SPATA3: variants seen among roughly 807,000 people sequenced by gnomAD.
SPATA3 encodes spermatogenesis associated 3.
Under a neutral mutation model 5.7 loss-of-function variants are expected in SPATA3, and 6 were observed. The ratio of observed to expected loss-of-function variants is 1.06; its 90% CI spans 0.58 to 2.09. The LOEUF (loss-of-function observed/expected upper bound fraction) is 2.09, where lower values mean the gene tolerates loss of function less well. Ranked by LOEUF, SPATA3 falls within the 30% of genes most tolerant of loss-of-function variation. The pLI is 0.00. For synonymous variants in SPATA3, 44 were observed against 48.4 expected (o/e 0.91, Z 0.37); for missense variants, 155 against 130.4 (o/e 1.19, Z -0.92).
rs113102248 is a variant in SPATA3 at position 231,002,768 on chromosome 2, G to A, written c.1047G>A (p.Arg349=). The A allele has an allele frequency of 5.4e-3, 8,160 of 1,522,972 alleles. 83 individuals carry two copies. Among genetic ancestry groups the A allele is most frequent in the South Asian group, 0.025 (1,984 of 79,540 alleles). The allele number at this position is 1,522,972 out of a possible 1,614,324, so 94.3% of individuals were successfully genotyped here. A position where few individuals can be genotyped will look rare whatever the true frequency, so the allele number is the denominator to read the frequency against. The change falls in exon 3 of 3, where the codon AGG becomes AGA. Residue 349 remains arginine (R), a synonymous_variant. Coordinates refer to ENST00000645363, the Ensembl canonical transcript of SPATA3. Reference sequence around the variant, plus strand: ...GTGGCTGTGGCTCTGGGGGCTCTAGGAGCTGCCTACTACATCACTGAATCC... The same window carrying A: ...GTGGCTGTGGCTCTGGGGGCTCTAGAAGCTGCCTACTACATCACTGAATCC...
chr2:231,019,212 G>A lies in SPATA3; in HGVS notation c.*566-508G>A, dbSNP rs189357474. On this transcript the variant is annotated intron_variant, in intron 6 of 8. Coordinates refer to the SPATA3 transcript ENST00000452881. ...TCTCGATCTCCCGACCTTGTGATCC[G>A]CCCACCTTGGCCTCCCAAAGTGCCG... Among the ~76,000 whole-genome samples, 551 of 149,002 alleles carry A rather than the reference G, an allele frequency of 3.7e-3. 17 individuals carry two copies. Among genetic ancestry groups the A allele is most frequent in the African/African-American group, 0.012 (476 of 39,886 alleles).
At chr2:231,001,037 C>G (rs1192361956) in intron 2 of SPATA3, among the ~76,000 whole-genome samples, 2 of 152,220 alleles carry the variant, frequency 1.3e-5, no homozygotes, top group African/African-American at 4.8e-5. Context: ...CACACAATAG[C>G]AAGACGTCAG....
At chr2:231,008,948 G>C (rs202191345), downstream of SPATA3, among the ~76,000 whole-genome samples, 48,656 of 151,572 alleles carry the variant, frequency 0.32, 7,966 homozygotes, top group Non-Finnish European at 0.36. Context: ...GGGTGAGCCG[G>C]CCTGTCTCCC....
exon 3 of SPATA3, chr2:231,002,782 A>T: frequency 6.7e-7 from 1 of 1,503,712 alleles, no homozygotes; most frequent in Non-Finnish European, 8.9e-7. Context: ...TGCCTACTAC[A>T]TCACTGAATC....
chr2:230,999,779 A>G (rs903884288), intron 1 of SPATA3: 5 of 169,232 alleles, frequency 3.0e-5, no homozygotes, highest in African/African-American at 1.2e-4. Flanking sequence ...GGCAGCTCCA[A>G]TTCCAGGAAT....
At chr2:231,016,246 T>A (rs1692932631) in intron 6 of SPATA3, among the ~76,000 whole-genome samples, 1 of 152,152 alleles carries the variant, frequency 6.6e-6, no homozygotes, top group Non-Finnish European at 1.5e-5. Context: ...ACCCTGGGCC[T>A]GCCTGTTCCC....
chr2:231,013,690 G>A (rs371743581), intron 5 of SPATA3, among the ~76,000 whole-genome samples: 1 of 152,150 alleles, frequency 6.6e-6, no homozygotes, highest in East Asian at 1.9e-4. Flanking sequence ...GGGCTTCACC[G>A]TGTTGGTCAG....
At chr2:231,012,940 GGCAAA>G (rs1453894711) in intron 5 of SPATA3, among the ~76,000 whole-genome samples, 2 of 152,030 alleles carry the variant, frequency 1.3e-5, no homozygotes, top group African/African-American at 2.4e-5. Flanking sequence ...ACAACCCTGG[GGCAAA>G]TCCAGTTCTC....
chr2:231,011,523 A>C (rs1227731173), downstream of SPATA3, among the ~76,000 whole-genome samples: 2 of 152,220 alleles, frequency 1.3e-5, no homozygotes, highest in African/African-American at 2.4e-5. Context: ...CCACTGTGCC[A>C]GGGACACAGG....
Position 231,013,322 on chromosome 2 carries a change from C to T in SPATA3, c.*227-552C>T, listed in dbSNP as rs1264539771. Among the ~76,000 whole-genome samples the T allele has an allele frequency of 1.3e-5, 2 of 152,138 alleles. 1 individual carries two copies. The highest frequency in any genetic ancestry group is 4.8e-5 in the African/African-American group (2 of 41,414). ...ACTCAATCAGTTTGGACTTTTTTTA[C>T]CTGGCTTCTTTTGCTCATCATAATA... is the stretch of plus-strand genomic sequence containing the variant. On this transcript the variant is annotated intron_variant, in intron 5 of 8. Transcript: ENST00000452881.
intron 6 of SPATA3, among the ~76,000 whole-genome samples, chr2:231,016,357 C>A (rs1692936042): frequency 6.6e-6 from 1 of 152,108 alleles, no homozygotes; most frequent in South Asian, 2.1e-4. Flanking sequence ...TGCCCCACCA[C>A]CCACACTTCC....
chr2:230,996,196 C>T (rs753920653), intron 1 of SPATA3: 5 of 1,528,664 alleles, frequency 3.3e-6, no homozygotes, highest in Non-Finnish European at 4.4e-6. Flanking sequence ...GATTACGCAG[C>T]TCCATGTAGG....
At chr2:231,013,185 C>T (rs1692834156) in intron 5 of SPATA3, among the ~76,000 whole-genome samples, 1 of 152,122 alleles carries the variant, frequency 6.6e-6, no homozygotes, top group Non-Finnish European at 1.5e-5. Context: ...CACCTACCAG[C>T]GCCCTCTTGA....
At chr2:231,014,964 G>T (rs1004959470) in intron 6 of SPATA3, among the ~76,000 whole-genome samples, 1 of 152,170 alleles carries the variant, frequency 6.6e-6, no homozygotes, top group Non-Finnish European at 1.5e-5. Flanking sequence ...GCCAAAGGGA[G>T]CACCAGCAAA....
chr2:231,005,379 T>C (rs1436035676), downstream of SPATA3, among the ~76,000 whole-genome samples: 67 of 41,420 alleles, frequency 1.6e-3, no homozygotes, highest in African/African-American at 1.9e-3. Context: ...ATCACCACCA[T>C]CACCACCACC....
chr2:231,016,318 C>T (rs905994596), intron 6 of SPATA3, among the ~76,000 whole-genome samples: 9 of 152,066 alleles, frequency 5.9e-5, no homozygotes, highest in African/African-American at 9.7e-5. Flanking sequence ...ATCTCCACTG[C>T]GGTGAAAAGC....
intron 5 of SPATA3, among the ~76,000 whole-genome samples, chr2:231,013,060 T>A (rs562072172): frequency 6.6e-6 from 1 of 152,352 alleles, no homozygotes; most frequent in Non-Finnish European, 1.5e-5. Flanking sequence ...TGGGCCTTGA[T>A]GCTGCCAGGG....
chr2:231,011,601 G>A (rs72999248), downstream of SPATA3, among the ~76,000 whole-genome samples: 9,557 of 142,020 alleles, frequency 0.067, 412 homozygotes, highest in Admixed American at 0.1. Flanking sequence ...CCACCCTTGA[G>A]GACAGCCACC....
At position 231,001,131 on chromosome 2, in the gene SPATA3, C is replaced by T. The variant is rs550012905; in HGVS notation, c.962+594C>T. On this transcript the variant is annotated intron_variant, in intron 2 of 2. Coordinates refer to ENST00000645363, the Ensembl canonical transcript of SPATA3. ...AGGCTGGTCTGTTGGTGGCGGCCCC[C>T]ATGACATCACCCATAGTATCTGTCC... Among the ~76,000 whole-genome samples the T allele has an allele frequency of 3.9e-5, 6 of 152,316 alleles. No individual in the cohort carries two copies. In the East Asian group the frequency reaches 1.2e-3, roughly 29 times the overall value.
Sources: gnomAD v4.1 joint callset for allele counts (sites outside exome capture counted in the v4.1 genomes callset) on GRCh38, gnomAD v4.1.1 for gene constraint, MANE v1.5 for transcripts, NCBI Gene and HGNC (gene_info 2026-07-23, HGNC 2026-07-21) for gene names.